Variants in PLPP3 observed in about 807,000 individuals in gnomAD.
PLPP3 encodes PAP2 beta.
In PLPP3, 6 loss-of-function variants were observed where a neutral mutation model predicts 29.6. The observed-to-expected ratio is 0.20, with a 90% CI of 0.11 to 0.40. The LOEUF is 0.40. Ranked by LOEUF, PLPP3 falls within the 10% of genes least tolerant of loss-of-function variation. The probability of loss-of-function intolerance (pLI) is 1.00; values close to 1 mark genes in which losing one functional copy is unlikely to be tolerated. For synonymous variants in PLPP3, 152 were observed against 159.7 expected (o/e 0.95, Z 0.36); for missense variants, 308 against 407.7 (o/e 0.76, Z 2.11).
intron 5 of PLPP3, among the ~76,000 whole-genome samples, chr1:56,506,433 T>C (rs1310275738): frequency 1.1e-4 from 17 of 152,058 alleles, no homozygotes; most frequent in Admixed American, 1.0e-3. Context: ...TCCCTACATC[T>C]GGAGGAAGAT....
intron 5 of PLPP3, among the ~76,000 whole-genome samples, chr1:56,505,760 C>T (rs1211963613): frequency 6.6e-6 from 1 of 152,126 alleles, no homozygotes; most frequent in Non-Finnish European, 1.5e-5. Flanking sequence ...ATCAGTAAGG[C>T]TTCCAATCAA....
chr1:56,557,180 C>T (rs536596571), intron 1 of PLPP3, among the ~76,000 whole-genome samples: 10 of 151,518 alleles, frequency 6.6e-5, no homozygotes, highest in Admixed American at 4.6e-4. Context: ...GAGATCAAGA[C>T]AATCCTGGCC....
In PLPP3 at chr1:56,524,552, G is replaced by T; in HGVS notation, c.300C>A (p.Ile100=). Residue 100 remains isoleucine, a splice_region_variant and synonymous_variant, in exon 3 of 6, where the codon ATC becomes ATA. Transcript: ENST00000371250. The surrounding 1 kb of genome is among the most constrained non-coding windows in gnomAD (Gnocchi z 4.3). ...AVGIVIAILA[I]ITGEFYRIYY... is the part of the protein sequence containing the mutation. ...AGATCCGGTAGAATTCCCCCGTGAT[G>T]ATCTAAAAGGAATCCAACAGGGGAA... 16 of 1,604,512 alleles carry T rather than the reference G, an allele frequency of 1.0e-5. No individual in the cohort carries two copies. Among genetic ancestry groups the T allele is most frequent in the Non-Finnish European group, 1.3e-5 (15 of 1,171,780 alleles).
intron 1 of PLPP3, among the ~76,000 whole-genome samples, chr1:56,573,627 G>A (rs1323080684): frequency 6.6e-6 from 1 of 152,160 alleles, no homozygotes; most frequent in African/African-American, 2.4e-5. Context: ...CCGAGAATCT[G>A]TATTTCATAC....
rs1340224986 is a variant in PLPP3, at chr1:56,578,974, T to G, written c.43A>C (p.Lys15Gln). The change falls in exon 1 of 6, where the codon AAG becomes CAG. Residue 15 changes from lysine to glutamine, a missense_variant. Around this residue, in one of 3 missense-constraint regions of PLPP3, gnomAD observed 67 missense variants for 61.3 expected, o/e 1.09. Coordinates refer to ENST00000371250, the MANE Select transcript of PLPP3 (RefSeq NM_003713.5). ...KYDKAIVPES[K>Q]NGGSPALNNN... Reference sequence around the variant, plus strand: ...TTGAGCGCCGGGCTGCCGCCGTTCTTGCTCTCCGGGACGATCGCTTTGTCG... The same window carrying G: ...TTGAGCGCCGGGCTGCCGCCGTTCTGGCTCTCCGGGACGATCGCTTTGTCG... The G allele has an allele frequency of 1.9e-6, 3 of 1,602,514 alleles. No individual in the cohort carries two copies. The highest frequency in any genetic ancestry group is 2.6e-6 in the Non-Finnish European group (3 of 1,175,424).
At chr1:56,521,046 C>T (rs954165816) in intron 4 of PLPP3, among the ~76,000 whole-genome samples, 3 of 151,412 alleles carry the variant, frequency 2.0e-5, no homozygotes, top group African/African-American at 4.9e-5. Flanking sequence ...CCAGCCTGGC[C>T]AACATGGCAA....
At position 56,504,544 on chromosome 1, in the gene PLPP3, C is replaced by T. The variant is rs544060565; in HGVS notation, c.810+7432G>A. ...TCCCAGAAACCATCCAATTTTGAAG[C>T]TGAAAGGGAGAATGAGGCTACTATT... On this transcript the variant is annotated intron_variant, in intron 5 of 5. Transcript: ENST00000371250. Among the ~76,000 whole-genome samples, 9 of 152,224 alleles carry T rather than the reference C, an allele frequency of 5.9e-5. No individual in the cohort carries two copies. In the South Asian group the frequency reaches 1.9e-3, roughly 32 times the overall value.
chr1:56,551,318 T>TTGGTTTG (rs1420231262), intron 1 of PLPP3, among the ~76,000 whole-genome samples: 1 of 150,852 alleles, frequency 6.6e-6, no homozygotes, highest in Non-Finnish European at 1.5e-5. Flanking sequence ...TCGGTTCGGT[T>TTGGTTTG]CGGTTTGGTG....
chr1:56,571,250 A>C (rs988738534), intron 1 of PLPP3, among the ~76,000 whole-genome samples: 2 of 152,188 alleles, frequency 1.3e-5, no homozygotes, highest in Non-Finnish European at 2.9e-5. Flanking sequence ...GGTGATGATA[A>C]TGACTGCAGC....
intron 1 of PLPP3, among the ~76,000 whole-genome samples, chr1:56,559,691 GATGCTTTAAACT>G (rs1249646130): frequency 6.6e-6 from 1 of 152,070 alleles, no homozygotes; most frequent in Admixed American, 6.6e-5. Context: ...TGTGTAAAGG[GATGCTTTAAACT>G]ATGGTATTTA....
chr1:56,578,525 C>G (rs1435588996), intron 1 of PLPP3, among the ~76,000 whole-genome samples: 1 of 152,220 alleles, frequency 6.6e-6, no homozygotes, highest in Non-Finnish European at 1.5e-5. Flanking sequence ...TACGCTGGCT[C>G]TAGAGCGCGG....
chr1:56,502,194 C>A (rs1557496417), intron 5 of PLPP3, among the ~76,000 whole-genome samples: 1 of 152,110 alleles, frequency 6.6e-6, no homozygotes, highest in Non-Finnish European at 1.5e-5. Flanking sequence ...TTGTTAAGGG[C>A]AGATTATGAC....
intron 1 of PLPP3, among the ~76,000 whole-genome samples, chr1:56,568,694 C>T (rs775050367): frequency 6.6e-6 from 1 of 152,070 alleles, no homozygotes; most frequent in East Asian, 1.9e-4. Flanking sequence ...GGCGTGATCT[C>T]GGCTTACTGC....
At chr1:56,553,446 G>A (rs1045060085) in intron 1 of PLPP3, among the ~76,000 whole-genome samples, 2 of 152,168 alleles carry the variant, frequency 1.3e-5, no homozygotes, top group Non-Finnish European at 2.9e-5. Context: ...AAAGCCTTCT[G>A]CACTTGGAGA....
chr1:56,513,176 C>A (rs1308592115), intron 4 of PLPP3: 1 of 151,394 alleles, frequency 6.6e-6, no homozygotes, highest in Non-Finnish European at 1.5e-5. Flanking sequence ...AGAAGAGTAA[C>A]CTGAAGAAAA....
At chr1:56,556,952 G>GAAAGAAAGAA (rs1192494672) in intron 1 of PLPP3, among the ~76,000 whole-genome samples, 1 of 55,344 alleles carries the variant, frequency 1.8e-5, no homozygotes, top group Non-Finnish European at 3.4e-5. Flanking sequence ...GAGAGACAGA[G>GAAAGAAAGAA]AGAAAGAAAG....
At chr1:56,507,535 G>A (rs1433754196) in intron 5 of PLPP3, among the ~76,000 whole-genome samples, 1 of 152,182 alleles carries the variant, frequency 6.6e-6, no homozygotes, top group Non-Finnish European at 1.5e-5. Flanking sequence ...CAGGCCATGA[G>A]TAGATGAGGC....
At chr1:56,560,239 A>G (rs1244377443) in intron 1 of PLPP3, among the ~76,000 whole-genome samples, 1 of 152,194 alleles carries the variant, frequency 6.6e-6, no homozygotes, top group Non-Finnish European at 1.5e-5. Context: ...TGCTCAATGC[A>G]TATTTGTGGA....
intron 1 of PLPP3, among the ~76,000 whole-genome samples, chr1:56,555,433 T>TAAAAAAAAAAAAA (rs66593221): frequency 0.01 from 339 of 33,142 alleles, 1 homozygote; most frequent in Non-Finnish European, 0.013. Context: ...GGCCAAACAC[T>TAAAAAAAAAAAAA]AAAAAAAAAA....
Sources: allele counts gnomAD v4.1 joint callset (sites outside exome capture counted in the v4.1 genomes callset), GRCh38; gene constraint gnomAD v4.1.1; regional missense constraint gnomAD v4.1.1; non-coding constraint Gnocchi (gnomAD v3.1); transcripts MANE v1.5; gene names NCBI Gene and HGNC (gene_info 2026-07-23, HGNC 2026-07-21).